The following PIK3CB variants were observed in gnomAD, a reference collection of about 807,000 sequenced individuals.
PIK3CB encodes phosphatidylinositol-4,5-bisphosphate 3-kinase catalytic subunit beta.
PIK3CB carries 39 observed loss-of-function variants against 136.8 expected under a neutral mutation model. That is an observed-to-expected ratio of 0.29 (90% CI 0.22 to 0.37). The LOEUF (loss-of-function observed/expected upper bound fraction) is 0.37, where lower values mean the gene tolerates loss of function less well. PIK3CB is among the 10% of genes least tolerant of loss of function. The pLI, the probability that PIK3CB is intolerant of heterozygous loss-of-function variation, is 1.00. For missense variants in PIK3CB, 868 were observed against 1,275.4 expected (o/e 0.68, Z 4.87); for synonymous variants, 428 against 436.6 (o/e 0.98, Z 0.25).
chr3:138,799,232 C>A (rs1360176707), intron 1 of PIK3CB, among the ~76,000 whole-genome samples: 7 of 146,294 alleles, frequency 4.8e-5, no homozygotes, highest in Middle Eastern at 3.7e-3. Context: ...GGCTGGAGTG[C>A]AGTGGCATGA....
intron 2 of PIK3CB, among the ~76,000 whole-genome samples, chr3:138,767,165 G>GTA (rs1221675034): frequency 1.3e-5 from 2 of 151,414 alleles, no homozygotes; most frequent in Non-Finnish European, 2.9e-5. Context: ...CAGAGACTCT[G>GTA]TATCAAAGAA....
chr3:138,768,129 G>A (rs189476896), intron 2 of PIK3CB, among the ~76,000 whole-genome samples: 33 of 151,976 alleles, frequency 2.2e-4, no homozygotes, highest in African/African-American at 7.7e-4. Context: ...CATCTCTGCA[G>A]CTCTTCAGCA....
intron 1 of PIK3CB, among the ~76,000 whole-genome samples, chr3:138,821,961 G>A (rs1483054503): frequency 6.6e-6 from 1 of 150,702 alleles, no homozygotes; most frequent in Non-Finnish European, 1.5e-5. Flanking sequence ...AGACTAGCCT[G>A]AGCAACATGG....
At chr3:138,732,821 T>C (rs868604666) in intron 8 of PIK3CB, among the ~76,000 whole-genome samples, 4 of 151,926 alleles carry the variant, frequency 2.6e-5, no homozygotes, top group Non-Finnish European at 4.4e-5. Flanking sequence ...ATCTATAGTT[T>C]TGGCTTAACT....
At chr3:138,683,588 A>G in intron 18 of PIK3CB, 90 bp downstream of exon 18, 1 of 746,580 alleles carries the variant, frequency 1.3e-6, no homozygotes, top group East Asian at 2.5e-5. Context: ...ATTGTTACAC[A>G]CTTACACTAC....
intron 2 of PIK3CB, among the ~76,000 whole-genome samples, chr3:138,785,022 G>A (rs2045961739): frequency 6.6e-6 from 1 of 152,046 alleles, no homozygotes; most frequent in South Asian, 2.1e-4. Context: ...GGGAAGTGAG[G>A]AGCCCCTCCG....
intron 21 of PIK3CB, among the ~76,000 whole-genome samples, chr3:138,658,283 T>C (rs1254147130): frequency 2.0e-5 from 3 of 151,928 alleles, no homozygotes; most frequent in Non-Finnish European, 4.4e-5. Flanking sequence ...ACCCCATCTC[T>C]ACAAATGAAG....
intron 2 of PIK3CB, among the ~76,000 whole-genome samples, chr3:138,788,992 A>AC (rs2046017672): frequency 2.2e-5 from 3 of 138,476 alleles, no homozygotes; most frequent in African/African-American, 8.9e-5. Context: ...AAAAAAAAAA[A>AC]CAAAAAACAA....
intron 1 of PIK3CB, among the ~76,000 whole-genome samples, chr3:138,818,973 G>A (rs938471746): frequency 6.6e-6 from 1 of 152,104 alleles, no homozygotes; most frequent in African/African-American, 2.4e-5. Context: ...AAAGGTAGTC[G>A]AAGCTTAAAC....
At chr3:138,781,339 C>A (rs1333098433) in intron 2 of PIK3CB, among the ~76,000 whole-genome samples, 20 of 151,580 alleles carry the variant, frequency 1.3e-4, no homozygotes, top group Admixed American at 1.1e-3. Context: ...TCTGGCTAGG[C>A]ATGGTGGCTC....
chr3:138,689,035 A>C, intron 15 of PIK3CB, 61 bp from the exon 16 acceptor site: 1 of 941,940 alleles, frequency 1.1e-6, no homozygotes. Flanking sequence ...TCACCGAATA[A>C]ATACTGACTT....
chr3:138,823,534 C>G (rs1933653436), intron 1 of PIK3CB, among the ~76,000 whole-genome samples: 1 of 151,914 alleles, frequency 6.6e-6, no homozygotes, highest in South Asian at 2.1e-4. Context: ...GAAACCTCGT[C>G]TCTACTAAAA....
At chr3:138,806,004 A>G (rs2046230327) in intron 1 of PIK3CB, among the ~76,000 whole-genome samples, 1 of 151,764 alleles carries the variant, frequency 6.6e-6, no homozygotes, top group Non-Finnish European at 1.5e-5. Flanking sequence ...CTGGGATTAC[A>G]GGCATGAGCC....
Position 138,691,044 on chromosome 3 carries a change from T to C in PIK3CB, c.1992A>G (p.Ala664=), listed in dbSNP as rs776143642. 5.0e-6 allele frequency: 8 copies of C among 1,613,002 alleles called. No individual in the cohort carries two copies. The African/African-American group carries it at 6.7e-5, about 13-fold the overall frequency. ...CALSRFLLER[A]LGNRRIGQFL... is the part of the protein sequence containing the mutation. ...ACTGCCCTATCCTCCGATTACCAAG[T>C]GCTCTTTCTAATAGGAATCTAGAGA... is the stretch of plus-strand genomic sequence containing the variant. Residue 664 remains alanine, a synonymous_variant, in exon 15 of 24, where the codon GCA becomes GCG. Coordinates refer to ENST00000674063, the MANE Select transcript of PIK3CB (RefSeq NM_006219.3).
intron 8 of PIK3CB, among the ~76,000 whole-genome samples, chr3:138,717,126 C>T (rs866319744): frequency 2.6e-5 from 4 of 151,194 alleles, no homozygotes; most frequent in African/African-American, 7.3e-5. Flanking sequence ...CGGTGGCACA[C>T]GCCTGCAGTC....
chr3:138,821,282 C>CA (rs140472633), intron 1 of PIK3CB, among the ~76,000 whole-genome samples: 57,497 of 129,756 alleles, frequency 0.44, 12,246 homozygotes, highest in Middle Eastern at 0.56. Context: ...GACTCCGTCT[C>CA]AAAAAAAAAA....
intron 4 of PIK3CB, among the ~76,000 whole-genome samples, chr3:138,754,435 T>C (rs1260193737): frequency 6.6e-6 from 1 of 152,000 alleles, no homozygotes; most frequent in Non-Finnish European, 1.5e-5. Flanking sequence ...GGGCGAGACC[T>C]TGTCACCAAA....
intron 2 of PIK3CB, among the ~76,000 whole-genome samples, chr3:138,765,955 AG>A (rs1164980830): frequency 1.4e-4 from 22 of 151,986 alleles, no homozygotes; most frequent in African/African-American, 5.1e-4. Flanking sequence ...CCTACATTTC[AG>A]GTAGCCCATG....
chr3:138,814,143 T>C (rs1249240047), intron 1 of PIK3CB, among the ~76,000 whole-genome samples: 2 of 152,076 alleles, frequency 1.3e-5, no homozygotes, highest in African/African-American at 4.8e-5. Context: ...ACATGACTAA[T>C]AACTATAAAC....
Sources: gnomAD v4.1 joint callset for allele counts (sites outside exome capture counted in the v4.1 genomes callset) on GRCh38, gnomAD v4.1.1 for gene constraint, MANE v1.5 for transcripts, NCBI Gene and HGNC (gene_info 2026-07-23, HGNC 2026-07-21) for gene names.